SGSM1: variants seen among roughly 807,000 people sequenced by gnomAD.
SGSM1 encodes small G protein signaling modulator 1.
A neutral mutation model predicts 133.8 loss-of-function variants in SGSM1; 73 were observed. The observed-to-expected ratio is 0.55, with a 90% CI of 0.45 to 0.66. SGSM1 has a LOEUF of 0.66. SGSM1 is among the 30% of genes least tolerant of loss of function. The pLI is 0.00. For synonymous variants in SGSM1, 563 were observed against 573.0 expected, an observed-to-expected ratio of 0.98 and a Z score of 0.25; for missense variants, 1,213 against 1,448.1, an observed-to-expected ratio of 0.84 and a Z score of 2.64.
At chr22:24,813,846 A>G (rs1927905216) in intron 2 of SGSM1, 1 of 152,316 alleles carries the variant, frequency 6.6e-6, no homozygotes, top group Non-Finnish European at 1.5e-5. Flanking sequence ...GAGGTGCTCC[A>G]GGAGCTGGTG....
Position 24,876,733 on chromosome 22 carries a change from T to C in SGSM1, c.1430+18T>C. ...CATGAGAGGTATGAGGGGCTTGAGCTGCAGATGGAGAGAGCTGAAGGATGT... is the reference window on the plus strand; with the variant it reads ...CATGAGAGGTATGAGGGGCTTGAGCCGCAGATGGAGAGAGCTGAAGGATGT... On this transcript the variant is annotated intron_variant, in intron 13 of 24. Transcript: ENST00000400358. 1 of 1,613,906 alleles carries C rather than the reference T, an allele frequency of 6.2e-7. No homozygotes were observed. The highest frequency in any genetic ancestry group is 8.5e-7 in the Non-Finnish European group (1 of 1,179,850).
intron 12 of SGSM1, among the ~76,000 whole-genome samples, chr22:24,870,060 G>C (rs1931690623): frequency 6.6e-6 from 1 of 152,220 alleles, no homozygotes; most frequent in African/African-American, 2.4e-5. Flanking sequence ...TGCTGAAGCA[G>C]CCACGTGCTG....
chr22:24,879,464 C>G lies in SGSM1; in HGVS notation c.1433C>G (p.Ala478Gly). ...TCTCCCTCTTTCTCCACCTGCAGGG[C>G]TCCCCTGAAACTTCTCTGTGACAAT... ...SSTNGCNHER[A>G]PLKLLCDNMK... Residue 478 changes from alanine (A) to glycine (G), a missense_variant and splice_region_variant, in exon 14 of 25, where the codon GCT (alanine) becomes GGT (glycine). Coordinates refer to ENST00000400358, the MANE Select transcript of SGSM1 (RefSeq NM_001098497.3). 6.2e-7 allele frequency: 1 copy of G among 1,613,728 alleles called. No homozygotes were observed. Among genetic ancestry groups the G allele is most frequent in the South Asian group, 1.1e-5 (1 of 90,912 alleles).
chr22:24,875,945 T>C (rs914140874), intron 12 of SGSM1, among the ~76,000 whole-genome samples: 1 of 152,244 alleles, frequency 6.6e-6, no homozygotes, highest in African/African-American at 2.4e-5. Context: ...AATACAGATT[T>C]GAGAGCTCTG....
chr22:24,905,363 G>A (rs758291929), intron 21 of SGSM1, among the ~76,000 whole-genome samples, 176 bp downstream of exon 21: 6 of 152,138 alleles, frequency 3.9e-5, no homozygotes, highest in Non-Finnish European at 8.8e-5. Flanking sequence ...ATATTCCATG[G>A]TGCCCCATAC....
chr22:24,872,841 C>T (rs1931832125), intron 12 of SGSM1, among the ~76,000 whole-genome samples: 1 of 152,124 alleles, frequency 6.6e-6, no homozygotes. Context: ...ATTGCTTGAA[C>T]CCGGGAAGCG....
chr22:24,829,186 G>A, intron 2 of SGSM1, among the ~76,000 whole-genome samples: 1 of 147,086 alleles, frequency 6.8e-6, no homozygotes, highest in East Asian at 1.9e-4. Flanking sequence ...AGAGAGTGAG[G>A]CTCCATCTCA....
chr22:24,886,573 C>A, intron 15 of SGSM1, 27 bp from the exon 16 acceptor site: 1 of 1,548,670 alleles, frequency 6.5e-7, no homozygotes, highest in South Asian at 1.2e-5. Flanking sequence ...GTTGACCAAA[C>A]TCTTTGCTCC....
At chr22:24,839,932 C>CTTTTT (rs758631851) in intron 2 of SGSM1, among the ~76,000 whole-genome samples, 28 of 106,474 alleles carry the variant, frequency 2.6e-4, no homozygotes, top group Non-Finnish European at 3.2e-4. Context: ...AACCATCTCT[C>CTTTTT]TTTTTTTTTT....
chr22:24,903,456 G>A (rs571003301), intron 20 of SGSM1, among the ~76,000 whole-genome samples: 4 of 152,004 alleles, frequency 2.6e-5, no homozygotes, highest in Non-Finnish European at 4.4e-5. Context: ...CAATCCACCT[G>A]CCTTGACCTC....
chr22:24,893,578 C>T lies in SGSM1; in HGVS notation c.1918C>T (p.Arg640Trp), dbSNP rs374168333. 32 of 1,590,752 alleles carry T rather than the reference C, an allele frequency of 2.0e-5. No homozygotes were observed. Among genetic ancestry groups the T allele is most frequent in the South Asian group, 2.3e-5 (2 of 86,234 alleles). The change falls in exon 17 of 25, where the codon CGG becomes TGG. Residue 640 changes from arginine to tryptophan, a missense_variant. By Grantham distance (101) the Arg-to-Trp change is moderately radical (BLOSUM62 -3). Coordinates refer to ENST00000400358, the MANE Select transcript of SGSM1 (RefSeq NM_001098497.3). ...SGASLDSHLH[R>W]MLHRDSTISN... ...GGCCAGCTTGGACAGCCACCTGCAC[C>T]GGATGTTGCACAGGGACTCAACCAT... is the stretch of plus-strand genomic sequence containing the variant.
intron 2 of SGSM1, among the ~76,000 whole-genome samples, chr22:24,837,299 A>G (rs776670235): frequency 9.9e-5 from 15 of 151,888 alleles, no homozygotes; most frequent in Non-Finnish European, 1.9e-4. Context: ...CAGCTGAGGC[A>G]GAGAGAGAGA....
At chr22:24,831,104 G>A (rs1214287876) in intron 2 of SGSM1, among the ~76,000 whole-genome samples, 1 of 151,370 alleles carries the variant, frequency 6.6e-6, no homozygotes, top group African/African-American at 2.5e-5. Flanking sequence ...TCACGCTGCA[G>A]GTTAGTGGTC....
intron 2 of SGSM1, among the ~76,000 whole-genome samples, chr22:24,833,337 CA>C (rs1251996377): frequency 6.6e-6 from 1 of 152,110 alleles, no homozygotes; most frequent in African/African-American, 2.4e-5. Flanking sequence ...TCTCCAAAGA[CA>C]GCACATTCTG....
At chr22:24,824,994 A>G (rs551676844) in intron 2 of SGSM1, among the ~76,000 whole-genome samples, 2 of 152,266 alleles carry the variant, frequency 1.3e-5, no homozygotes, top group Admixed American at 1.3e-4. Context: ...CATGAATGAC[A>G]GTTTTGGTTC....
In SGSM1 at chr22:24,884,533, G is replaced by C. The variant is rs553148623; in HGVS notation, c.1641+335G>C. 2.0e-5 allele frequency among the ~76,000 whole-genome samples: 3 copies of C among 152,322 alleles called. No individual in the cohort carries two copies. In the East Asian group the frequency reaches 5.8e-4, roughly 29 times the overall value. On this transcript the variant is annotated intron_variant, in intron 15 of 24. Coordinates refer to ENST00000400358, the MANE Select transcript of SGSM1 (RefSeq NM_001098497.3). Reference sequence around the variant, plus strand: ...GCACTTTGGGAGGCTGAGGAGGGTGGATCACTTGAGGTCAGGAGTTCAAGA... The same window carrying C: ...GCACTTTGGGAGGCTGAGGAGGGTGCATCACTTGAGGTCAGGAGTTCAAGA...
chr22:24,906,722 C>T (rs1312630884), intron 21 of SGSM1, among the ~76,000 whole-genome samples: 2 of 152,138 alleles, frequency 1.3e-5, no homozygotes, highest in South Asian at 2.1e-4. Flanking sequence ...CACCTGAGGT[C>T]AGGAGTTTGA....
intron 4 of SGSM1, 23 bp downstream of exon 4, chr22:24,847,819 A>G (rs1930234909): frequency 6.2e-7 from 1 of 1,608,940 alleles, no homozygotes. Context: ...CATGGGGCAC[A>G]GGTGGGAGCA....
chr22:24,854,962 C>G (rs1367457324), intron 5 of SGSM1, 34 bp from the exon 6 acceptor site: 2 of 1,575,430 alleles, frequency 1.3e-6, no homozygotes, highest in East Asian at 2.2e-5. Flanking sequence ...CTGCTGGTCT[C>G]CATCCAAACC....
Sources: gnomAD v4.1 joint callset for allele counts (sites outside exome capture counted in the v4.1 genomes callset) on GRCh38, gnomAD v4.1.1 for gene constraint, MANE v1.5 for transcripts, NCBI Gene and HGNC (gene_info 2026-07-23, HGNC 2026-07-21) for gene names.